The following CPQ variants were observed in gnomAD, a reference collection of about 807,000 sequenced individuals.
CPQ encodes the protein carboxypeptidase Q, also known as Ser-Met dipeptidase.
Under a neutral mutation model 45.7 loss-of-function variants are expected in CPQ, and 37 were observed. The ratio of observed to expected loss-of-function variants is 0.81; its 90% confidence interval spans 0.62 to 1.07. CPQ has a LOEUF of 1.07. Ranked by LOEUF, CPQ falls within the 50% of genes least tolerant of loss-of-function variation. The pLI, the probability that CPQ is intolerant of heterozygous loss-of-function variation, is 0.00. For synonymous variants in CPQ, 186 were observed against 205.8 expected (o/e 0.90, Z 0.82); for missense variants, 537 against 572.9 (o/e 0.94, Z 0.64).
At chr8:96,908,619 A>G (rs940259568) in intron 4 of CPQ, among the ~76,000 whole-genome samples, 7 of 152,132 alleles carry the variant, frequency 4.6e-5, no homozygotes, top group Non-Finnish European at 1.0e-4. Flanking sequence ...AAAGACAAAA[A>G]CATTCATGTG....
intron 7 of CPQ, among the ~76,000 whole-genome samples, chr8:97,123,042 A>T (rs867123230): frequency 0.012 from 634 of 53,930 alleles, 49 homozygotes; most frequent in Non-Finnish European, 0.018. Flanking sequence ...ATAAAATAAA[A>T]TAAATAAAAT....
intron 7 of CPQ, among the ~76,000 whole-genome samples, chr8:97,094,152 T>C (rs1249353189): frequency 6.6e-6 from 1 of 152,210 alleles, no homozygotes; most frequent in Non-Finnish European, 1.5e-5. Context: ...AACACTTTTG[T>C]GTTTGATTCT....
At chr8:96,693,707 A>G (rs1233661630) in intron 1 of CPQ, among the ~76,000 whole-genome samples, 1 of 152,206 alleles carries the variant, frequency 6.6e-6, no homozygotes, top group East Asian at 1.9e-4. Context: ...CCTACAAGAA[A>G]TGTTAAAGGG....
chr8:96,811,871 G>A (rs923151473), intron 2 of CPQ, among the ~76,000 whole-genome samples: 21 of 152,228 alleles, frequency 1.4e-4, no homozygotes, highest in African/African-American at 3.1e-4. Context: ...TACATAAATC[G>A]GAGTTTCCCA....
At chr8:96,718,894 C>T (rs1447194314) in intron 1 of CPQ, among the ~76,000 whole-genome samples, 6 of 152,178 alleles carry the variant, frequency 3.9e-5, no homozygotes, top group East Asian at 1.9e-4. Flanking sequence ...GAGCTAGACA[C>T]GGGTGCTGAT....
At chr8:96,972,840 C>T (rs917785443) in intron 5 of CPQ, among the ~76,000 whole-genome samples, 3 of 152,146 alleles carry the variant, frequency 2.0e-5, no homozygotes, top group African/African-American at 7.2e-5. Flanking sequence ...AGGGAAAGAA[C>T]ATCACATCAA....
intron 1 of CPQ, among the ~76,000 whole-genome samples, chr8:96,682,459 G>A (rs759306376): frequency 6.6e-6 from 1 of 152,238 alleles, no homozygotes; most frequent in Non-Finnish European, 1.5e-5. Flanking sequence ...TCCCAGCCAT[G>A]TGGAACTGTA....
intron 4 of CPQ, among the ~76,000 whole-genome samples, chr8:96,956,675 AT>A (rs1334229488): frequency 6.6e-6 from 1 of 152,172 alleles, no homozygotes; most frequent in Non-Finnish European, 1.5e-5. Flanking sequence ...TCCAAGATAT[AT>A]AAATTCTAAT....
intron 3 of CPQ, among the ~76,000 whole-genome samples, chr8:96,845,641 CCTGT>C (rs1411123843): frequency 6.6e-6 from 1 of 151,806 alleles, no homozygotes; most frequent in Non-Finnish European, 1.5e-5. Context: ...AGGCACAATG[CCTGT>C]CTATTTTTTA....
chr8:96,852,544 C>G (rs1448320460), intron 3 of CPQ, among the ~76,000 whole-genome samples: 1 of 152,162 alleles, frequency 6.6e-6, no homozygotes, highest in Non-Finnish European at 1.5e-5. Context: ...CACATCCCAT[C>G]TCGCCCTCTT....
chr8:96,980,583 A>G (rs1489527136), intron 5 of CPQ, among the ~76,000 whole-genome samples: 7 of 152,196 alleles, frequency 4.6e-5, no homozygotes, highest in Non-Finnish European at 8.8e-5. Flanking sequence ...TCAGATTCTA[A>G]TTGCCAAAAC....
At chr8:96,884,323 G>A (rs888770650) in intron 4 of CPQ, among the ~76,000 whole-genome samples, 5 of 151,986 alleles carry the variant, frequency 3.3e-5, no homozygotes, top group African/African-American at 4.8e-5. Context: ...CTTAATTCAG[G>A]CCCTCACTAT....
intron 7 of CPQ, among the ~76,000 whole-genome samples, chr8:97,106,188 T>C (rs1811401036): frequency 6.6e-6 from 1 of 152,196 alleles, no homozygotes; most frequent in Non-Finnish European, 1.5e-5. Context: ...TGAATGTGTT[T>C]GTAAAATCAG....
intron 1 of CPQ, among the ~76,000 whole-genome samples, chr8:96,661,114 AT>A (rs973481678): frequency 1.3e-5 from 2 of 152,250 alleles, no homozygotes; most frequent in African/African-American, 4.8e-5. Context: ...AAATGCTAAT[AT>A]TTTTATTGTG....
intron 4 of CPQ, among the ~76,000 whole-genome samples, chr8:96,927,248 T>C (rs1812904845): frequency 6.6e-6 from 1 of 152,076 alleles, no homozygotes. Flanking sequence ...CAAGAATGAA[T>C]GATTAAGATA....
At chr8:96,815,154 G>C (rs543991327) in intron 2 of CPQ, among the ~76,000 whole-genome samples, 1 of 152,166 alleles carries the variant, frequency 6.6e-6, no homozygotes, top group African/African-American at 2.4e-5. Context: ...CTTCAAATGA[G>C]TGAATTGTAT....
rs866811243 is a variant in CPQ, at chr8:97,122,962, A to T, written c.1256-20058A>T. Among the ~76,000 whole-genome samples, 48 of 77,282 alleles carry T rather than the reference A, an allele frequency of 6.2e-4. 2 individuals are homozygous for T. Among genetic ancestry groups the T allele is most frequent in the Non-Finnish European group, 9.0e-4 (42 of 46,916 alleles). The allele number at this position is 77,282 out of a possible 152,430, so 50.7% of individuals were successfully genotyped here. ...AAAATAAAATAAAATAAAATAAAAT[A>T]AAATAAAATAAAATAAAATTAAAAT... On this transcript the variant is annotated intron_variant, in intron 7 of 7. Coordinates refer to ENST00000220763, the MANE Select transcript of CPQ (RefSeq NM_016134.4).
At chr8:96,832,451 C>T (rs1390656919) in intron 2 of CPQ, among the ~76,000 whole-genome samples, 1 of 152,148 alleles carries the variant, frequency 6.6e-6, no homozygotes, top group Non-Finnish European at 1.5e-5. Flanking sequence ...GACCAACTGG[C>T]TACATGTACG....
At chr8:96,754,912 C>G (rs542423791) in intron 1 of CPQ, among the ~76,000 whole-genome samples, 11 of 151,978 alleles carry the variant, frequency 7.2e-5, no homozygotes, top group African/African-American at 2.2e-4. Flanking sequence ...GATTTAAAAA[C>G]TTTGTTTCCC....
Sources: gnomAD v4.1 joint callset for allele counts (sites outside exome capture counted in the v4.1 genomes callset) on GRCh38, gnomAD v4.1.1 for gene constraint, MANE v1.5 for transcripts, NCBI Gene and HGNC (gene_info 2026-07-23, HGNC 2026-07-21) for gene names.